ZNF507: variants seen among roughly 807,000 people sequenced by gnomAD.
The protein encoded by ZNF507 is zinc finger protein 507.
In ZNF507, 29 loss-of-function variants were observed where a neutral mutation model predicts 80.0. The ratio of observed to expected loss-of-function variants is 0.36; its 90% confidence interval spans 0.27 to 0.49. The LOEUF is 0.49. ZNF507 is among the 20% of genes least tolerant of loss of function. ZNF507 has a pLI of 0.98. For synonymous variants in ZNF507, 462 were observed against 422.5 expected (o/e 1.09, Z -1.15); for missense variants, 1,081 against 1,152.2 (o/e 0.94, Z 0.90).
rs540747008 is a variant in ZNF507, at chr19:32,387,159, T to C, written c.*4076T>C. The C allele has an allele frequency of 1.1e-4, 17 of 152,368 alleles. No homozygotes were observed. Among genetic ancestry groups the C allele is most frequent in the African/African-American group, 4.1e-4 (17 of 41,596 alleles). The allele number at this position is 152,368 out of a possible 1,614,324, so 9.4% of individuals were successfully genotyped here. A position where few individuals can be genotyped will look rare whatever the true frequency, so the allele number is the denominator to read the frequency against. ...CGCTTATATGCTTTCAATTCTGATA[T>C]AGTCAAAGTGCTAAAGACTAGTTCT... On this transcript the variant is annotated 3_prime_UTR_variant, in exon 7 of 7. Coordinates refer to ENST00000355898, the MANE Select transcript of ZNF507 (RefSeq NM_001136156.2).
intron 5 of ZNF507, among the ~76,000 whole-genome samples, chr19:32,374,894 G>A (rs936098335): frequency 1.3e-5 from 2 of 152,144 alleles, no homozygotes; most frequent in Admixed American, 1.3e-4. Flanking sequence ...TAATGGAAAT[G>A]CTTCTGGTGT....
At position 32,354,699 on chromosome 19, in the gene ZNF507, A is replaced by G. The variant is rs1967225557; in HGVS notation, c.1869A>G (p.Thr623=). The change falls in exon 3 of 7, where the codon ACA becomes ACG. Residue 623 remains threonine, a synonymous_variant. Coordinates refer to ENST00000355898, the MANE Select transcript of ZNF507 (RefSeq NM_001136156.2). ...DNAQCQPNSD[T]SLSGNNVVEY... is the part of the protein sequence containing the mutation. ...CCCAGTGCCAACCCAACAGCGATACAAGTTTGTCCGGAAACAATGTGGTGG... is the reference window on the plus strand; with the variant it reads ...CCCAGTGCCAACCCAACAGCGATACGAGTTTGTCCGGAAACAATGTGGTGG... The G allele has an allele frequency of 6.2e-7, 1 of 1,614,046 alleles. No homozygotes were observed. The highest frequency in any genetic ancestry group is 8.5e-7 in the Non-Finnish European group (1 of 1,180,028).
intron 5 of ZNF507, among the ~76,000 whole-genome samples, chr19:32,365,627 T>A (rs931600650): frequency 7.7e-6 from 1 of 129,676 alleles, no homozygotes; most frequent in Admixed American, 7.9e-5. Context: ...ATTGCACTGC[T>A]GGACCTGCCC....
intron 5 of ZNF507, among the ~76,000 whole-genome samples, chr19:32,375,749 G>A (rs561350712): frequency 4.6e-5 from 7 of 152,118 alleles, no homozygotes; most frequent in Non-Finnish European, 1.0e-4. Context: ...TTTGTTTAAC[G>A]ATTTCCATAA....
At position 32,353,064 on chromosome 19, in the gene ZNF507, C is replaced by T. The variant is rs1410926265; in HGVS notation, c.234C>T (p.His78=). 2 of 1,614,074 alleles carry T rather than the reference C, an allele frequency of 1.2e-6. No homozygotes were observed. Among genetic ancestry groups the T allele is most frequent in the Admixed American group, 3.3e-5 (2 of 60,010 alleles). ...GCCCACGTTCAAGTGCTGCAACACA[C>T]TCTCTTGAAACCCAAGAACTTTGTG... ...KKRPRSSAAT[H]SLETQELCEI... is the part of the protein sequence containing the mutation. The change falls in exon 3 of 7, where the codon CAC becomes CAT. Residue 78 remains histidine, a synonymous_variant. Coordinates refer to ENST00000355898, the MANE Select transcript of ZNF507 (RefSeq NM_001136156.2).
chr19:32,352,474 C>CTTTTTTTT (rs34217641), intron 2 of ZNF507, among the ~76,000 whole-genome samples: 10 of 146,300 alleles, frequency 6.8e-5, no homozygotes, highest in Non-Finnish European at 3.0e-5. Context: ...GAATAGGAGT[C>CTTTTTTTT]TTTTTTTTTT....
rs142550198 is a variant in ZNF507 at position 32,375,649 on chromosome 19, G to C, written c.2361-6818G>C. On this transcript the variant is annotated intron_variant, in intron 5 of 6. Coordinates refer to ENST00000355898, the MANE Select transcript of ZNF507 (RefSeq NM_001136156.2). ...GCAAAAATCAGGCAACTTTAAGTTA[G>C]AATACATGAAACAAGATTAGCAAAA... Among the ~76,000 whole-genome samples the C allele has an allele frequency of 3.0e-4, 45 of 152,292 alleles. No individual in the cohort carries two copies. In the East Asian group the frequency reaches 8.7e-3, roughly 29 times the overall value.
In ZNF507 at chr19:32,385,315, G is replaced by A. The variant is rs1432806780; in HGVS notation, c.*2232G>A. ...AACCCAGAAGTTCAAAGCCTTTAAA[G>A]TTTCATCTGATTCTGGCCTTAGAAT... On this transcript the variant is annotated 3_prime_UTR_variant, in exon 7 of 7. Transcript: ENST00000355898. 1 of 151,414 alleles carries A rather than the reference G, an allele frequency of 6.6e-6. No homozygotes were observed. Among genetic ancestry groups the A allele is most frequent in the Non-Finnish European group, 1.5e-5 (1 of 68,020 alleles). 9.4% of individuals were successfully genotyped at this position (151,414 alleles called of 1,614,324 possible).
chr19:32,357,205 A>AT (rs921707568), intron 4 of ZNF507: 1 of 152,466 alleles, frequency 6.6e-6, no homozygotes, highest in Non-Finnish European at 1.5e-5. Flanking sequence ...AAAAAAAAAA[A>AT]GCACACACAC....
At chr19:32,372,208 ATT>A (rs1232823150) in intron 5 of ZNF507, among the ~76,000 whole-genome samples, 2 of 151,968 alleles carry the variant, frequency 1.3e-5, no homozygotes, top group African/African-American at 4.8e-5. Flanking sequence ...CTATAGTATG[ATT>A]CTACTTTTGC....
At chr19:32,355,265 C>T (rs1454782245) in intron 3 of ZNF507, among the ~76,000 whole-genome samples, 4 of 151,992 alleles carry the variant, frequency 2.6e-5, no homozygotes, top group South Asian at 2.1e-4. Flanking sequence ...GATTGACATA[C>T]GTTTGACTTA....
At chr19:32,371,789 G>A (rs1016622385) in intron 5 of ZNF507, among the ~76,000 whole-genome samples, 9 of 151,570 alleles carry the variant, frequency 5.9e-5, no homozygotes, top group Non-Finnish European at 1.0e-4. Flanking sequence ...ACAGGCGCCC[G>A]CTACCATACC....
chr19:32,380,696 GT>G, intron 5 of ZNF507: 1 of 1,377,424 alleles, frequency 7.3e-7, no homozygotes, highest in East Asian at 2.5e-5. Context: ...TGCATTTGCA[GT>G]TTCCTAAAAA....
chr19:32,362,452 G>A (rs1967341711), intron 5 of ZNF507, among the ~76,000 whole-genome samples: 1 of 152,180 alleles, frequency 6.6e-6, no homozygotes, highest in Non-Finnish European at 1.5e-5. Context: ...TTATGCTTCA[G>A]GGGCCGTGCT....
chr19:32,375,484 G>T (rs887992984), intron 5 of ZNF507, among the ~76,000 whole-genome samples: 1 of 152,174 alleles, frequency 6.6e-6, no homozygotes, highest in East Asian at 1.9e-4. Flanking sequence ...AGATGGGCCT[G>T]ATATCTTCAA....
intron 5 of ZNF507, among the ~76,000 whole-genome samples, chr19:32,381,273 T>C (rs576453964): frequency 6.6e-6 from 1 of 152,260 alleles, no homozygotes; most frequent in South Asian, 2.1e-4. Context: ...ACTATTCATA[T>C]GACGCTGGAA....
At chr19:32,365,027 C>T (rs2145329181) in intron 5 of ZNF507, among the ~76,000 whole-genome samples, 1 of 152,286 alleles carries the variant, frequency 6.6e-6, no homozygotes, top group African/African-American at 2.4e-5. Context: ...AAGGTGGTAT[C>T]ACACTGTGGT....
Position 32,354,810 on chromosome 19 carries a change from A to C in ZNF507, c.1980A>C (p.Leu660Phe), listed in dbSNP as rs543694446. Reference sequence around the variant, plus strand: ...ACAAGGGCTACATCAAGCAGCACTTACGAGTCCATCGACAGAGACAGCCTT... The same window carrying C: ...ACAAGGGCTACATCAAGCAGCACTTCCGAGTCCATCGACAGAGACAGCCTT... ...SGNKGYIKQHLRVHRQRQPYQ... is the reference protein window; with the variant it reads ...SGNKGYIKQHFRVHRQRQPYQ... The change falls in exon 3 of 7, where the codon TTA (leucine) becomes TTC (phenylalanine). Residue 660 changes from leucine (L) to phenylalanine (F), a missense_variant. Physicochemically the swap from Leu to Phe is conservative, Grantham distance 22. Coordinates refer to ENST00000355898, the MANE Select transcript of ZNF507 (RefSeq NM_001136156.2). 6 of 1,614,230 alleles carry C rather than the reference A, an allele frequency of 3.7e-6. No homozygotes were observed. In the South Asian group the frequency reaches 6.6e-5, roughly 18 times the overall value.
chr19:32,376,118 T>G (rs1042039931), intron 5 of ZNF507, among the ~76,000 whole-genome samples: 3 of 151,558 alleles, frequency 2.0e-5, no homozygotes, highest in Non-Finnish European at 2.9e-5. Flanking sequence ...CATTAAATAC[T>G]TTATTGTAGA....
Sources: gnomAD v4.1 joint callset for allele counts (sites outside exome capture counted in the v4.1 genomes callset) on GRCh38, gnomAD v4.1.1 for gene constraint, MANE v1.5 for transcripts, NCBI Gene and HGNC (gene_info 2026-07-23, HGNC 2026-07-21) for gene names.